LRRC37A: variants seen among roughly 807,000 people sequenced by gnomAD.
LRRC37A encodes leucine rich repeat containing 37A, also known as leucine-rich repeat-containing protein 37A.
LRRC37A carries 3 observed loss-of-function variants against 35.4 expected under a neutral mutation model. That is an observed-to-expected ratio of 0.08 (90% CI 0.04 to 0.22). The LOEUF (loss-of-function observed/expected upper bound fraction) is 0.22, where lower values mean the gene tolerates loss of function less well. Among genes scored for constraint, LRRC37A ranks in the 10% least tolerant of loss-of-function variants. The pLI, the probability that LRRC37A is intolerant of heterozygous loss-of-function variation, is 1.00. For synonymous variants in LRRC37A, 23 were observed against 215.0 expected, an observed-to-expected ratio of 0.11 and a Z score of 7.81; for missense variants, 67 against 565.3, an observed-to-expected ratio of 0.12 and a Z score of 8.94.
the LRRC37A span, chr17:46,268,643 C>T: frequency 2.5e-5 from 38 of 1,548,864 alleles, no homozygotes; most frequent in East Asian, 8.1e-4. Flanking sequence ...AAAGGTTTAA[C>T]CCAAAAAGGG....
chr17:46,333,180 A>G (rs1304199208), intron 10 of LRRC37A, among the ~76,000 whole-genome samples: 1 of 99,422 alleles, frequency 1.0e-5, no homozygotes, highest in Non-Finnish European at 2.5e-5. Context: ...ACTACAGAGT[A>G]GCCATCTTTT....
chr17:46,264,767 C>T, the LRRC37A span, among the ~76,000 whole-genome samples: 1 of 152,212 alleles, frequency 6.6e-6, no homozygotes, highest in Non-Finnish European at 1.5e-5. Flanking sequence ...GCTCTGGGAG[C>T]CCCTGGGAAC....
the LRRC37A span, among the ~76,000 whole-genome samples, chr17:46,252,700 A>C: frequency 1.1e-4 from 17 of 151,818 alleles, no homozygotes; most frequent in East Asian, 3.3e-3. Context: ...GTAAGGTCAC[A>C]GATCAACAGG....
At chr17:46,270,428 T>C in the LRRC37A span, among the ~76,000 whole-genome samples, 1 of 152,220 alleles carries the variant, frequency 6.6e-6, no homozygotes, top group Admixed American at 6.5e-5. Flanking sequence ...TTCTAGAGTA[T>C]TTTCCAAAAA....
At chr17:46,253,774 A>T in the LRRC37A span, among the ~76,000 whole-genome samples, 3 of 110,544 alleles carry the variant, frequency 2.7e-5, no homozygotes, top group Admixed American at 3.1e-4. Flanking sequence ...AGGGAGGGGG[A>T]GGGGAGGGGG....
At chr17:46,267,293 TG>T in the LRRC37A span, 1 of 1,259,178 alleles carries the variant, frequency 7.9e-7, no homozygotes, top group Non-Finnish European at 1.1e-6. Flanking sequence ...GGAGAGGAAC[TG>T]GGGTTCCCAA....
chr17:46,248,720 A>G, the LRRC37A span, among the ~76,000 whole-genome samples: 1 of 152,000 alleles, frequency 6.6e-6, no homozygotes, highest in Non-Finnish European at 1.5e-5. Context: ...AGGTTTCACC[A>G]TGTTGGCCAG....
chr17:46,284,030 A>C, the LRRC37A span, among the ~76,000 whole-genome samples: 81 of 151,900 alleles, frequency 5.3e-4, no homozygotes, highest in Admixed American at 6.6e-4. Context: ...CAGTAGATGG[A>C]ACATACAATC....
the LRRC37A span, among the ~76,000 whole-genome samples, chr17:46,283,036 T>A: frequency 6.6e-6 from 1 of 152,110 alleles, no homozygotes; most frequent in Non-Finnish European, 1.5e-5. Flanking sequence ...GGAGAATCGC[T>A]TGAACCTGGG....
the LRRC37A span, among the ~76,000 whole-genome samples, chr17:46,249,125 T>A: frequency 6.6e-6 from 1 of 152,050 alleles, no homozygotes; most frequent in African/African-American, 2.4e-5. Flanking sequence ...GACTTTGGTG[T>A]CGGCAGGGGG....
chr17:46,253,446 C>T, the LRRC37A span, among the ~76,000 whole-genome samples: 2 of 152,172 alleles, frequency 1.3e-5, no homozygotes, highest in Admixed American at 1.3e-4. Context: ...CACTGCACTC[C>T]AGCCTGGGCA....
At chr17:46,275,390 C>A in the LRRC37A span, 1 of 1,004,614 alleles carries the variant, frequency 1.0e-6, no homozygotes, top group South Asian at 1.3e-5. Flanking sequence ...CTTTAGGAAG[C>A]TGTAGACTGC....
At chr17:46,254,419 C>CTACT in the LRRC37A span, among the ~76,000 whole-genome samples, 3 of 151,110 alleles carry the variant, frequency 2.0e-5, no homozygotes, top group Non-Finnish European at 4.4e-5. Flanking sequence ...ATTTATCTAT[C>CTACT]TATTTATTTA....
At chr17:46,281,942 C>A in the LRRC37A span, among the ~76,000 whole-genome samples, 3 of 152,212 alleles carry the variant, frequency 2.0e-5, no homozygotes, top group South Asian at 6.2e-4. Flanking sequence ...TCACGCCTAG[C>A]CTAGTTTTAC....
At chr17:46,262,650 A>G in the LRRC37A span, among the ~76,000 whole-genome samples, 5 of 152,170 alleles carry the variant, frequency 3.3e-5, no homozygotes, top group African/African-American at 2.4e-5. Context: ...TTTTGTGAGA[A>G]TTCCCGTAAC....
chr17:46,288,706 C>CTTTTTTTTT (rs199591277), upstream of LRRC37A, among the ~76,000 whole-genome samples: 21 of 139,028 alleles, frequency 1.5e-4, no homozygotes, highest in Non-Finnish European at 2.7e-4. Flanking sequence ...CTTGTTTTTT[C>CTTTTTTTTT]TTTTTTTTTT....
At chr17:46,267,610 CT>C in the LRRC37A span, 6 of 1,549,280 alleles carry the variant, frequency 3.9e-6, no homozygotes, top group South Asian at 3.3e-5. Context: ...GTCGTCCAGT[CT>C]TTTTTTGGGA....
chr17:46,248,588 A>G, the LRRC37A span, among the ~76,000 whole-genome samples: 1 of 152,002 alleles, frequency 6.6e-6, no homozygotes, highest in Admixed American at 6.6e-5. Context: ...GGCATGACCT[A>G]GACTCACTGC....
At chr17:46,312,677 T>C (rs1284440096) in intron 5 of LRRC37A, among the ~76,000 whole-genome samples, 1 of 78,024 alleles carries the variant, frequency 1.3e-5, no homozygotes, top group Admixed American at 1.3e-4. Flanking sequence ...TAGCCGACTT[T>C]GTACAGAGCC....
Sources: allele counts gnomAD v4.1 joint callset (sites outside exome capture counted in the v4.1 genomes callset), GRCh38; gene constraint gnomAD v4.1.1; transcripts MANE v1.5; gene names NCBI Gene and HGNC (gene_info 2026-07-23, HGNC 2026-07-21).